TRPM7: variants seen among roughly 807,000 people sequenced by gnomAD.
TRPM7 encodes the protein LTRPC ion channel family member 7.
TRPM7 carries 134 observed loss-of-function variants against 229.7 expected under a neutral mutation model. That is an observed-to-expected ratio of 0.58 (90% confidence interval 0.51 to 0.67). TRPM7 has a LOEUF of 0.67. TRPM7 is among the 30% of genes least tolerant of loss of function. The pLI is 0.00. For missense variants in TRPM7, 1,901 were observed against 2,210.0 expected, an observed-to-expected ratio of 0.86 and a Z score of 2.80; for synonymous variants, 699 against 715.2, an observed-to-expected ratio of 0.98 and a Z score of 0.36.
intron 1 of TRPM7, among the ~76,000 whole-genome samples, chr15:50,666,804 A>G (rs1371371846): frequency 6.6e-6 from 1 of 151,924 alleles, no homozygotes; most frequent in African/African-American, 2.4e-5. Flanking sequence ...ACTGTCTCCA[A>G]AAAAAAAGAA....
intron 1 of TRPM7, among the ~76,000 whole-genome samples, chr15:50,670,665 C>G (rs751834275): frequency 3.9e-5 from 6 of 152,080 alleles, no homozygotes; most frequent in Non-Finnish European, 7.4e-5. Context: ...ATAATCCACT[C>G]CTTGCTTAGC....
intron 29 of TRPM7, among the ~76,000 whole-genome samples, chr15:50,581,258 G>A (rs1300827802): frequency 1.3e-5 from 2 of 151,984 alleles, no homozygotes; most frequent in African/African-American, 2.4e-5. Flanking sequence ...CAGCACTTTG[G>A]GAGGCCGAGG....
At chr15:50,647,435 A>C (rs1490072752) in intron 4 of TRPM7, among the ~76,000 whole-genome samples, 1 of 151,936 alleles carries the variant, frequency 6.6e-6, no homozygotes, top group Admixed American at 6.6e-5. Flanking sequence ...CTGACCTATA[A>C]TATTCTTTTT....
At chr15:50,598,606 C>G (rs1471658384) in intron 22 of TRPM7, among the ~76,000 whole-genome samples, 2 of 152,146 alleles carry the variant, frequency 1.3e-5, no homozygotes, top group Non-Finnish European at 2.9e-5. Flanking sequence ...TTGTCTGTAA[C>G]CATTTTAGAG....
intron 3 of TRPM7, among the ~76,000 whole-genome samples, chr15:50,655,171 C>A (rs1460520675): frequency 1.4e-5 from 2 of 143,306 alleles, no homozygotes; most frequent in Non-Finnish European, 3.2e-5. Flanking sequence ...TGCAGTGGCT[C>A]ACGCCTGTAA....
Position 50,561,924 on chromosome 15 carries a change from C to T in TRPM7, c.5468-116G>A, listed in dbSNP as rs2053332178. On this transcript the variant is annotated intron_variant, in intron 38 of 38. Coordinates refer to ENST00000646667, the MANE Select transcript of TRPM7 (RefSeq NM_017672.6). ...TTATTTTCTTTTCAAGACGGAGTTT[C>T]GCTCTTGTTGCCCAAGCTGGAGTGC... is the stretch of plus-strand genomic sequence containing the variant. 10 of 1,101,700 alleles carry T rather than the reference C, an allele frequency of 9.1e-6. No individual in the cohort carries two copies. In the East Asian group the frequency reaches 1.2e-4, roughly 13 times the overall value. The allele number at this position is 1,101,700 out of a possible 1,614,324, so 68.2% of individuals were successfully genotyped here. A position where few individuals can be genotyped will look rare whatever the true frequency, so the allele number is the denominator to read the frequency against.
chr15:50,592,333 G>C lies in TRPM7; in HGVS notation c.3902C>G (p.Ser1301Cys). The stretch of plus-strand genomic sequence containing the variant: ...ACTTTCAAGATCACCTTGAGGAAGA[G>C]AGGAGCTAAGTGTATTTACAACACC... ...KHGVVNTLSSSLPQGDLESNN... is the reference protein window; with the variant it reads ...KHGVVNTLSSCLPQGDLESNN... Residue 1301 changes from serine (S) to cysteine (C), a missense_variant, in exon 26 of 39, where the codon TCT (serine) becomes TGT (cysteine). Coordinates refer to ENST00000646667, the MANE Select transcript of TRPM7 (RefSeq NM_017672.6). 1 of 1,614,044 alleles carries C rather than the reference G, an allele frequency of 6.2e-7. No homozygotes were observed.
At position 50,620,657 on chromosome 15, in the gene TRPM7, G is replaced by A. The variant is rs1214663995; in HGVS notation, c.1441-859C>T. On this transcript the variant is annotated intron_variant, in intron 12 of 38. Coordinates refer to ENST00000646667, the MANE Select transcript of TRPM7 (RefSeq NM_017672.6). ...TTACAATATTTATTTAGGGCTGGGC[G>A]CGGTGGCTCAAGCCTATAATCCCAG... 3.3e-5 allele frequency among the ~76,000 whole-genome samples: 5 copies of A among 152,108 alleles called. 1 individual carries two copies. In the East Asian group the frequency reaches 5.8e-4, roughly 18 times the overall value.
At chr15:50,613,563 G>T in intron 15 of TRPM7, 144 bp downstream of exon 15, 7 of 446,114 alleles carry the variant, frequency 1.6e-5, no homozygotes, top group East Asian at 4.7e-5. Context: ...ATCTCTGTGT[G>T]TGAGAAAATG....
At chr15:50,608,324 T>C (rs2059975443) in intron 19 of TRPM7, among the ~76,000 whole-genome samples, 1 of 149,296 alleles carries the variant, frequency 6.7e-6, no homozygotes, top group African/African-American at 2.5e-5. Flanking sequence ...TATTGACCCT[T>C]GAAAAATTAT....
intron 3 of TRPM7, 89 bp from the exon 4 acceptor site, chr15:50,648,974 A>G (rs2061343840): frequency 4.2e-6 from 4 of 953,598 alleles, no homozygotes; most frequent in Non-Finnish European, 5.9e-6. Context: ...CGACAAATAT[A>G]AGCTTTAAAA....
chr15:50,612,037 A>G (rs2060074963), intron 16 of TRPM7, among the ~76,000 whole-genome samples: 1 of 152,224 alleles, frequency 6.6e-6, no homozygotes, highest in African/African-American at 2.4e-5. Flanking sequence ...TACCAATTCA[A>G]ATGGAACTTT....
chr15:50,670,105 CCTCT>C (rs2061957780), intron 1 of TRPM7, among the ~76,000 whole-genome samples: 1 of 152,100 alleles, frequency 6.6e-6, no homozygotes, highest in South Asian at 2.1e-4. Flanking sequence ...TGAATGAGTG[CCTCT>C]CTATCACGGA....
In TRPM7 at chr15:50,639,466, T is replaced by C. The variant is rs368338341; in HGVS notation, c.618A>G (p.Pro206=). The change falls in exon 6 of 39, where the codon CCA becomes CCG. Residue 206 remains proline (P), a synonymous_variant. Coordinates refer to ENST00000646667, the MANE Select transcript of TRPM7 (RefSeq NM_017672.6). ...CATTTCTGTTTTCAATCACTCCCCA[T>C]GGAGCTATTCCGATAGTGCAAATCT... ...SRKICTIGIA[P]WGVIENRNDL... 3.8e-5 allele frequency: 62 copies of C among 1,610,942 alleles called. No individual in the cohort carries two copies. Among genetic ancestry groups the C allele is most frequent in the Non-Finnish European group, 5.0e-5 (59 of 1,177,992 alleles).
At chr15:50,624,051 C>A in intron 12 of TRPM7, 115 bp downstream of exon 12, 1 of 1,088,724 alleles carries the variant, frequency 9.2e-7, no homozygotes, top group Non-Finnish European at 1.3e-6. Flanking sequence ...ATAATTTTTT[C>A]ATATAACTAA....
At chr15:50,628,337 T>A (rs1288663938) in intron 10 of TRPM7, 88 bp from the exon 11 acceptor site, 7 of 860,008 alleles carry the variant, frequency 8.1e-6, no homozygotes, top group South Asian at 6.3e-5. Context: ...AGAGATGGGG[T>A]CTTGGTCTGT....
intron 1 of TRPM7, among the ~76,000 whole-genome samples, chr15:50,667,593 G>C (rs1001113382): frequency 6.6e-6 from 1 of 152,226 alleles, no homozygotes; most frequent in Non-Finnish European, 1.5e-5. Context: ...TGTAATCCCA[G>C]CTGCTAGGGA....
chr15:50,631,358 A>G (rs1457788236), intron 10 of TRPM7, 59 bp downstream of exon 10: 1 of 1,012,582 alleles, frequency 9.9e-7, no homozygotes, highest in Non-Finnish European at 1.5e-6. Flanking sequence ...ACACATACAC[A>G]CACATATACA....
chr15:50,631,267 A>G (rs1011461794), intron 10 of TRPM7, 150 bp downstream of exon 10: 4 of 430,034 alleles, frequency 9.3e-6, no homozygotes, highest in African/African-American at 6.1e-5. Context: ...TGTCTTTCAC[A>G]AAGAAAAATG....
Sources: gnomAD v4.1 joint callset for allele counts (sites outside exome capture counted in the v4.1 genomes callset) on GRCh38, gnomAD v4.1.1 for gene constraint, MANE v1.5 for transcripts, NCBI Gene and HGNC (gene_info 2026-07-23, HGNC 2026-07-21) for gene names.